FBXO3: variants seen among roughly 807,000 people sequenced by gnomAD.
FBXO3 encodes the protein F-box only protein 3.
In FBXO3, 17 loss-of-function variants were observed where a neutral mutation model predicts 64.8. The observed-to-expected ratio is 0.26, with a 90% confidence interval of 0.18 to 0.39. FBXO3 has a LOEUF of 0.39. Among genes scored for constraint, FBXO3 ranks in the 10% least tolerant of loss-of-function variants. The pLI, the probability that FBXO3 is intolerant of heterozygous loss-of-function variation, is 1.00. For synonymous variants in FBXO3, 182 were observed against 201.6 expected (o/e 0.90, Z 0.82); for missense variants, 420 against 589.9 (o/e 0.71, Z 2.98).
At chr11:33,763,626 CAAAAAAAAAAA>C (rs33923647) in intron 3 of FBXO3, among the ~76,000 whole-genome samples, 1 of 103,022 alleles carries the variant, frequency 9.7e-6, no homozygotes, top group Admixed American at 1.1e-4. Context: ...AGAATATCTA[CAAAAAAAAAAA>C]AAAAAAAAAA....
intron 1 of FBXO3, chr11:33,771,593 G>C (rs1207627821): frequency 6.6e-6 from 1 of 152,176 alleles, no homozygotes; most frequent in Non-Finnish European, 1.5e-5. Context: ...ATTGAAAGTA[G>C]GTATTCAAAG....
chr11:33,755,729 G>T, intron 5 of FBXO3, 42 bp downstream of exon 5: 1 of 1,418,840 alleles, frequency 7.0e-7, no homozygotes, highest in South Asian at 1.1e-5. Context: ...ACAACCATCA[G>T]AACACATCTT....
Position 33,741,849 on chromosome 11 carries a change from T to A in FBXO3, c.*59A>T, listed in dbSNP as rs1226834732. 12 of 1,484,544 alleles carry A rather than the reference T, an allele frequency of 8.1e-6. No individual in the cohort carries two copies. The highest frequency in any genetic ancestry group is 1.8e-4 in the Middle Eastern group (1 of 5,452). The allele number at this position is 1,484,544 out of a possible 1,614,324, so 92.0% of individuals were successfully genotyped here. ...GAGAACAATTTAGTTATTTACATTA[T>A]TGAGAAATCTATTTAACAGCCTAGA... is the stretch of plus-strand genomic sequence containing the variant. On this transcript the variant is annotated 3_prime_UTR_variant, in exon 11 of 11. Coordinates refer to ENST00000265651, the MANE Select transcript of FBXO3 (RefSeq NM_012175.4).
intron 9 of FBXO3, among the ~76,000 whole-genome samples, chr11:33,747,548 G>A (rs1158083110): frequency 7.0e-6 from 1 of 143,284 alleles, no homozygotes; most frequent in African/African-American, 2.6e-5. Flanking sequence ...GTCTTGCTCT[G>A]TTGCCCACGC....
At position 33,747,876 on chromosome 11, in the gene FBXO3, TAA is replaced by T. The variant is rs60328389; in HGVS notation, c.1049-558_1049-557del. 3.5e-4 allele frequency among the ~76,000 whole-genome samples: 37 copies of T among 106,658 alleles called. 1 individual carries two copies. In the East Asian group the frequency reaches 4.8e-3, roughly 14 times the overall value. The allele number at this position is 106,658 out of a possible 152,430, so 70.0% of individuals were successfully genotyped here. A position where few individuals can be genotyped will look rare whatever the true frequency, so the allele number is the denominator to read the frequency against. Reference sequence around the variant, plus strand: ...AATGTAGAAAGTGGGAAGTATCTAGTAAAAAAAAAAAAAAAAACAGAACAGGC... The same window carrying T: ...AATGTAGAAAGTGGGAAGTATCTAGTAAAAAAAAAAAAAAACAGAACAGGC... On this transcript the variant is annotated intron_variant, in intron 9 of 10. Coordinates refer to ENST00000265651, the MANE Select transcript of FBXO3 (RefSeq NM_012175.4).
intron 1 of FBXO3, chr11:33,771,906 G>A (rs1855520436): frequency 6.6e-6 from 1 of 152,200 alleles, no homozygotes; most frequent in South Asian, 2.1e-4. Flanking sequence ...ATGCATGAAA[G>A]ATGAATTCAA....
In FBXO3 at chr11:33,774,406, CG is replaced by C; in HGVS notation, c.91del (p.Arg31GlyfsTer3). The C allele has an allele frequency of 6.2e-7, 1 of 1,606,550 alleles. No individual in the cohort carries two copies. Among genetic ancestry groups the C allele is most frequent in the Non-Finnish European group, 8.5e-7 (1 of 1,176,728 alleles). On this transcript the variant is annotated frameshift_variant, in exon 1 of 11. Transcript: ENST00000265651. LOFTEE classifies it high-confidence loss of function. Reference protein sequence around the residue: ...LLLILSFLDYRDLINCCYVSR... With the variant: ...LLLILSFLDYXDLINCCYVSR... Reference sequence around the variant, plus strand: ...GTCGTCCCATTACTTGATTAGATCCCGATAGTCCAAAAAGGATAAGATGAGG... The same window carrying C: ...GTCGTCCCATTACTTGATTAGATCCCATAGTCCAAAAAGGATAAGATGAGG...
At chr11:33,750,454 T>G in intron 8 of FBXO3, 85 bp downstream of exon 8, 1 of 1,478,642 alleles carries the variant, frequency 6.8e-7, no homozygotes, top group East Asian at 2.3e-5. Context: ...GTGTCTTACA[T>G]ATCATGTCAA....
chr11:33,747,134 C>T lies in FBXO3; in HGVS notation c.1235G>A (p.Arg412Gln), dbSNP rs748945613. Reference sequence around the variant, plus strand: ...CTAGAGGAAAATTTAACTTACCAATCGGGCTATAGACACCCTGAATGTTGG... The same window carrying T: ...CTAGAGGAAAATTTAACTTACCAATTGGGCTATAGACACCCTGAATGTTGG... Reference protein sequence around the residue: ...ACPTFRVSIARLEMGPDEYEE... With the variant: ...ACPTFRVSIAQLEMGPDEYEE... The change falls in exon 10 of 11, where the codon CGA becomes CAA. Residue 412 changes from arginine to glutamine, a missense_variant. By Grantham distance (43) the Arg-to-Gln change is conservative (BLOSUM62 1). Around this residue, in one of 3 missense-constraint regions of FBXO3, gnomAD observed 337 missense variants for 518.4 expected, o/e 0.65. Coordinates refer to ENST00000265651, the MANE Select transcript of FBXO3 (RefSeq NM_012175.4). The T allele has an allele frequency of 7.5e-6, 12 of 1,608,484 alleles. No individual in the cohort carries two copies. Among genetic ancestry groups the T allele is most frequent in the Non-Finnish European group, 1.0e-5 (12 of 1,178,738 alleles).
At chr11:33,742,117 A>G (rs778950807) in intron 10 of FBXO3, 33 bp from the exon 11 acceptor site, 9 of 1,478,574 alleles carry the variant, frequency 6.1e-6, no homozygotes, top group Non-Finnish European at 8.1e-6. Flanking sequence ...TGATAAGAAG[A>G]GCATCTATCA....
chr11:33,774,183 GC>G, intron 1 of FBXO3: 1 of 526,884 alleles, frequency 1.9e-6, no homozygotes, highest in Non-Finnish European at 3.3e-6. Flanking sequence ...TCATACCTGG[GC>G]CCAGGACAGG....
At chr11:33,748,108 T>C (rs963584490) in intron 9 of FBXO3, among the ~76,000 whole-genome samples, 2 of 152,146 alleles carry the variant, frequency 1.3e-5, no homozygotes, top group Non-Finnish European at 2.9e-5. Flanking sequence ...AGAGTCCTTA[T>C]ACCACTGGAC....
intron 2 of FBXO3, among the ~76,000 whole-genome samples, chr11:33,770,072 T>C (rs1855476045): frequency 6.6e-6 from 1 of 152,164 alleles, no homozygotes; most frequent in African/African-American, 2.4e-5. Flanking sequence ...TAATTCTTGA[T>C]TTATCAACTT....
chr11:33,755,397 A>G (rs929839826), intron 5 of FBXO3, among the ~76,000 whole-genome samples: 8 of 152,242 alleles, frequency 5.3e-5, no homozygotes, highest in African/African-American at 1.9e-4. Context: ...CCCACTGAAC[A>G]AAGTTTTAAA....
At chr11:33,760,242 C>A (rs1474322877) in intron 3 of FBXO3, among the ~76,000 whole-genome samples, 3 of 152,168 alleles carry the variant, frequency 2.0e-5, no homozygotes, top group Admixed American at 2.0e-4. Context: ...AAAACTGCTA[C>A]AATCAAAGAC....
At chr11:33,757,636 C>A (rs2133607828) in intron 4 of FBXO3, among the ~76,000 whole-genome samples, 1 of 101,614 alleles carries the variant, frequency 9.8e-6, no homozygotes, top group African/African-American at 3.9e-5. Context: ...AGCCTGGCAA[C>A]ACACCAAGAC....
At chr11:33,765,449 T>C (rs1202832487) in intron 3 of FBXO3, among the ~76,000 whole-genome samples, 1 of 152,108 alleles carries the variant, frequency 6.6e-6, no homozygotes, top group East Asian at 1.9e-4. Flanking sequence ...TAAGAATTTC[T>C]TGAAGAAGAG....
intron 7 of FBXO3, among the ~76,000 whole-genome samples, chr11:33,751,153 GATA>G (rs1854946298): frequency 6.6e-6 from 1 of 152,154 alleles, no homozygotes; most frequent in Non-Finnish European, 1.5e-5. Context: ...TCCATTTAGA[GATA>G]ATAAATATTT....
intron 3 of FBXO3, among the ~76,000 whole-genome samples, chr11:33,764,931 G>A (rs893375271): frequency 6.6e-6 from 1 of 152,086 alleles, no homozygotes; most frequent in African/African-American, 2.4e-5. Flanking sequence ...CCAAGATCAT[G>A]CCACTGTACT....
Sources: allele counts gnomAD v4.1 joint callset (sites outside exome capture counted in the v4.1 genomes callset), GRCh38; gene constraint gnomAD v4.1.1; regional missense constraint gnomAD v4.1.1; transcripts MANE v1.5; gene names NCBI Gene and HGNC (gene_info 2026-07-23, HGNC 2026-07-21).